The following SMC3 variants were observed in gnomAD, a reference collection of about 807,000 sequenced individuals.
SMC3 encodes the protein structural maintenance of chromosomes protein 3.
Under a neutral mutation model 171.8 loss-of-function variants are expected in SMC3, and 20 were observed. The observed-to-expected ratio is 0.12, with a 90% CI of 0.08 to 0.17. The LOEUF is 0.17. Ranked by LOEUF, SMC3 falls within the 10% of genes least tolerant of loss-of-function variation. The pLI is 1.00. For missense variants in SMC3, 543 were observed against 1,420.4 expected, an observed-to-expected ratio of 0.38 and a Z score of 9.93; for synonymous variants, 464 against 451.1, an observed-to-expected ratio of 1.03 and a Z score of -0.36.
At chr10:110,578,599 C>T (rs369885045) in intron 6 of SMC3, 29 bp from the exon 7 acceptor site, 691 of 1,541,100 alleles carry the variant, frequency 4.5e-4, no homozygotes, top group Non-Finnish European at 5.4e-4. Context: ...AATTATTTAT[C>T]GGAAAGTAAT....
At chr10:110,590,123 A>G in intron 15 of SMC3, 132 bp downstream of exon 15, 5 of 744,346 alleles carry the variant, frequency 6.7e-6, no homozygotes. Context: ...TATCTTCTAA[A>G]TATGAAATGA....
At chr10:110,603,363 C>A in intron 28 of SMC3, 73 bp downstream of exon 28, 1 of 962,530 alleles carries the variant, frequency 1.0e-6, no homozygotes, top group Non-Finnish European at 1.6e-6. Context: ...TTTTATGTTA[C>A]TTAAATAGTG....
chr10:110,580,936 G>A lies in SMC3; in HGVS notation c.462G>A (p.Gln154=), dbSNP rs1000632720. 2 of 1,610,390 alleles carry A rather than the reference G, an allele frequency of 1.2e-6. No individual in the cohort carries two copies. Among genetic ancestry groups the A allele is most frequent in the Non-Finnish European group, 1.7e-6 (2 of 1,176,720 alleles). Residue 154 remains glutamine (Q), a synonymous_variant, in exon 8 of 29, where the codon CAG becomes CAA. Transcript: ENST00000361804. ...AGATGGCAACAGCACCAGATTCTCA[G>A]AGATTAAAGCTATTAAGAGAAGTAG... ...INQMATAPDS[Q]RLKLLREVAG...
intron 7 of SMC3, 84 bp from the exon 8 acceptor site, chr10:110,580,820 T>C: frequency 2.5e-6 from 2 of 793,930 alleles, no homozygotes; most frequent in Non-Finnish European, 4.6e-6. Context: ...AACCTTCATG[T>C]GTATTAAAAA....
intron 1 of SMC3, 68 bp downstream of exon 1, chr10:110,567,899 G>T: frequency 4.6e-6 from 7 of 1,536,942 alleles, no homozygotes; most frequent in South Asian, 1.1e-5. Context: ...CGGGAGTGTT[G>T]CGGCGCCACC....
rs397847637 is a variant in SMC3, at chr10:110,600,557, GT to G, written c.2535+28del. The G allele has an allele frequency of 0.23, 211,653 of 939,092 alleles. 1,553 individuals carry two copies. The highest frequency in any genetic ancestry group is 0.35 in the East Asian group (13,287 of 38,082). 58.2% of individuals were successfully genotyped at this position (939,092 alleles called of 1,614,324 possible). The stretch of plus-strand genomic sequence containing the variant: ...GACCAAGTAGAACAGGTGTGTATGT[GT>G]TTTTTTTTTTTTTTTTAAGGGCTCC... On this transcript the variant is annotated intron_variant, in intron 22 of 28. Transcript: ENST00000361804.
At chr10:110,586,392 G>T (rs1861116084) in intron 13 of SMC3, among the ~76,000 whole-genome samples, 2 of 152,154 alleles carry the variant, frequency 1.3e-5, no homozygotes, top group Non-Finnish European at 1.5e-5. Flanking sequence ...AATCCAGGCA[G>T]TTCTTTATAT....
At chr10:110,567,910 C>G (rs1215748634) in intron 1 of SMC3, 79 bp downstream of exon 1, 55 of 1,436,800 alleles carry the variant, frequency 3.8e-5, no homozygotes, top group South Asian at 2.1e-4. Context: ...CGGCGCCACC[C>G]GCAGCCTCTC....
At chr10:110,574,651 G>C (rs540358486) in intron 3 of SMC3, among the ~76,000 whole-genome samples, 3 of 152,218 alleles carry the variant, frequency 2.0e-5, no homozygotes, top group Non-Finnish European at 2.9e-5. Context: ...ACACATTAAT[G>C]CTTATGCACG....
chr10:110,589,808 C>T, intron 14 of SMC3, 84 bp from the exon 15 acceptor site: 1 of 1,488,810 alleles, frequency 6.7e-7, no homozygotes, highest in South Asian at 1.1e-5. Context: ...GGCTTGTTTT[C>T]TGTATTTTGA....
chr10:110,601,908 G>C (rs1478426936), intron 24 of SMC3, 24 bp downstream of exon 24: 2 of 1,613,066 alleles, frequency 1.2e-6, no homozygotes, highest in Non-Finnish European at 1.7e-6. Flanking sequence ...TTGAAGTCTT[G>C]TTACAAATTG....
At position 110,602,103 on chromosome 10, in the gene SMC3, T is replaced by C. The variant is rs1590571119; in HGVS notation, c.3030T>C (p.Gly1010=). The C allele has an allele frequency of 1.7e-5, 28 of 1,613,754 alleles. No individual in the cohort carries two copies. The East Asian group carries it at 6.2e-4, about 36-fold the overall frequency. Residue 1010 remains glycine (G), a synonymous_variant, in exon 25 of 29, where the codon GGT becomes GGC. Coordinates refer to ENST00000361804, the MANE Select transcript of SMC3 (RefSeq NM_005445.4). Reference sequence around the variant, plus strand: ...AGCGTCAAGAAGAGTTAGATAGGGGTTACAAATCAATCATGGAACTGATGA... The same window carrying C: ...AGCGTCAAGAAGAGTTAGATAGGGGCTACAAATCAATCATGGAACTGATGA... ...LIKRQEELDR[G]YKSIMELMNV...
intron 18 of SMC3, among the ~76,000 whole-genome samples, chr10:110,594,228 A>C (rs1861258238): frequency 1.3e-5 from 2 of 151,234 alleles, no homozygotes; most frequent in African/African-American, 4.9e-5. Context: ...TTTTTTCCAC[A>C]ACAAAAGCCA....
intron 2 of SMC3, among the ~76,000 whole-genome samples, chr10:110,572,354 C>T (rs1034186160): frequency 6.6e-6 from 1 of 152,190 alleles, no homozygotes; most frequent in African/African-American, 2.4e-5. Context: ...CAGAAGTGTT[C>T]TTGATAGCAT....
rs1454524644 is a variant in SMC3, at chr10:110,605,728, T to TA, written c.*1428dup. Among the ~76,000 whole-genome samples the TA allele has an allele frequency of 1.3e-5, 2 of 152,214 alleles. No homozygotes were observed. The highest frequency in any genetic ancestry group is 4.8e-5 in the African/African-American group (2 of 41,460). The stretch of plus-strand genomic sequence containing the variant: ...CTATGACTACATTCAAAGGGTTACG[T>TA]AACTATAATATCTTTCTAATATTTC... On this transcript the variant is annotated 3_prime_UTR_variant, in exon 29 of 29. Coordinates refer to ENST00000361804, the MANE Select transcript of SMC3 (RefSeq NM_005445.4).
intron 19 of SMC3, among the ~76,000 whole-genome samples, chr10:110,597,143 CAAAAAA>C (rs11347729): frequency 4.4e-5 from 6 of 135,352 alleles, no homozygotes; most frequent in African/African-American, 1.4e-4. Context: ...GACCCTGTCT[CAAAAAA>C]AAAAAAAAAG....
intron 22 of SMC3, 121 bp downstream of exon 22, chr10:110,600,667 T>C (rs568777670): frequency 4.3e-6 from 3 of 695,602 alleles, no homozygotes; most frequent in South Asian, 3.2e-5. Context: ...GCTTAGTGTC[T>C]TGTGGGCCTT....
At chr10:110,599,898 AAG>A (rs1432426723) in intron 21 of SMC3, 86 bp downstream of exon 21, 15 of 1,202,552 alleles carry the variant, frequency 1.2e-5, no homozygotes, top group Non-Finnish European at 1.6e-5. Context: ...GGCAATATGA[AAG>A]AAAAGAACTG....
intron 1 of SMC3, among the ~76,000 whole-genome samples, chr10:110,568,166 G>A (rs1189775718): frequency 6.6e-6 from 1 of 152,176 alleles, no homozygotes; most frequent in Non-Finnish European, 1.5e-5. Flanking sequence ...GGGGCACCCC[G>A]CCGGGGCGGC....
Sources: allele counts gnomAD v4.1 joint callset (sites outside exome capture counted in the v4.1 genomes callset), GRCh38; gene constraint gnomAD v4.1.1; transcripts MANE v1.5; gene names NCBI Gene and HGNC (gene_info 2026-07-23, HGNC 2026-07-21).